Variants in DBX1 observed in about 807,000 individuals in gnomAD.
DBX1 encodes homeobox protein DBX1.
In DBX1, 10 loss-of-function variants were observed where a neutral mutation model predicts 20.8. The observed-to-expected ratio is 0.48, with a 90% CI of 0.30 to 0.82. The LOEUF is 0.82. Among genes scored for constraint, DBX1 ranks in the 40% least tolerant of loss-of-function variants. DBX1 has a pLI of 0.07. For synonymous variants in DBX1, 241 were observed against 213.9 expected, an observed-to-expected ratio of 1.13 and a Z score of -1.11; for missense variants, 505 against 468.8, an observed-to-expected ratio of 1.08 and a Z score of -0.71.
rs1480030206 is a variant in DBX1, at chr11:20,159,275, G to A, written c.385C>T (p.Leu129Phe). Reference protein sequence around the residue: ...GPRTETSPALLQSVPPKTFAF... With the variant: ...GPRTETSPALFQSVPPKTFAF... Reference sequence around the variant, plus strand: ...AAGGTCTTGGGAGGGACGCTCTGGAGCAAGGCTGGGGATGTTTCTGGTGGG... The same window carrying A: ...AAGGTCTTGGGAGGGACGCTCTGGAACAAGGCTGGGGATGTTTCTGGTGGG... Residue 129 changes from leucine to phenylalanine, a missense_variant, in exon 2 of 4, where the codon CTC (leucine) becomes TTC (phenylalanine). Leu to Phe is a conservative substitution (Grantham distance 22, BLOSUM62 0). Coordinates refer to ENST00000524983, the MANE Select transcript of DBX1 (RefSeq NM_001029865.4). The A allele has an allele frequency of 6.2e-7, 1 of 1,613,578 alleles. No homozygotes were observed. The highest frequency in any genetic ancestry group is 8.5e-7 in the Non-Finnish European group (1 of 1,179,652).
chr11:20,156,703 C>T lies in DBX1; in HGVS notation c.673-130G>A. ...TTCGGGCTGTGTCCTCTCCCCACCC[C>T]CAGAAATGAGTTCCGGTGGATTCCC... On this transcript the variant is annotated intron_variant, in intron 3 of 3. Coordinates refer to ENST00000524983, the MANE Select transcript of DBX1 (RefSeq NM_001029865.4). This position sits in a 1 kb window ranked among gnomAD's most constrained non-coding sequence, Gnocchi z 4.8. 1 of 1,372,652 alleles carries T rather than the reference C, an allele frequency of 7.3e-7. No homozygotes were observed. Among genetic ancestry groups the T allele is most frequent in the Non-Finnish European group, 1.0e-6 (1 of 966,786 alleles). 85.0% of individuals were successfully genotyped at this position (1,372,652 alleles called of 1,614,324 possible). A position where few individuals can be genotyped will look rare whatever the true frequency, so the allele number is the denominator to read the frequency against.
At chr11:20,159,806 C>T (rs1004805355) in intron 1 of DBX1, 152 bp downstream of exon 1, 2 of 1,120,104 alleles carry the variant, frequency 1.8e-6, no homozygotes, top group African/African-American at 1.6e-5. Flanking sequence ...GGACTATTCT[C>T]ACATTGCCTG....
In DBX1 at chr11:20,156,889, G is replaced by T; in HGVS notation, c.672+148C>A. 1.3e-6 allele frequency: 1 copy of T among 796,292 alleles called. No homozygotes were observed. The highest frequency in any genetic ancestry group is 2.3e-5 in the Admixed American group (1 of 44,412). 49.3% of individuals were successfully genotyped at this position (796,292 alleles called of 1,614,324 possible). Reference sequence around the variant, plus strand: ...ATCCTGCGGAGCTTCGAGGGTAGTGGCCCGTGTACTCACTCCCTCTCTAGG... The same window carrying T: ...ATCCTGCGGAGCTTCGAGGGTAGTGTCCCGTGTACTCACTCCCTCTCTAGG... On this transcript the variant is annotated intron_variant, in intron 3 of 3. Transcript: ENST00000524983. This position sits in a 1 kb window ranked among gnomAD's most constrained non-coding sequence, Gnocchi z 4.8.
rs1437584190 is a variant in DBX1 at position 20,156,369 on chromosome 11, C to G, written c.877G>C (p.Ala293Pro). The change falls in exon 4 of 4, where the codon GCG becomes CCG. Residue 293 changes from alanine to proline, a missense_variant. By Grantham distance (27) the Ala-to-Pro change is conservative. Transcript: ENST00000524983. The surrounding 1 kb of genome is among the most constrained non-coding windows in gnomAD (Gnocchi z 4.8). Reference protein sequence around the residue: ...GSPSHRLAYHASSDPQHLRDP... With the variant: ...GSPSHRLAYHPSSDPQHLRDP... The stretch of plus-strand genomic sequence containing the variant: ...CGCAGGTGCTGGGGGTCGGAGGACG[C>G]GTGGTAGGCCAGGCGGTGGCTGGGG... 2 of 1,606,054 alleles carry G rather than the reference C, an allele frequency of 1.2e-6. No individual in the cohort carries two copies. The highest frequency in any genetic ancestry group is 1.7e-6 in the Non-Finnish European group (2 of 1,174,686).
intron 2 of DBX1, 54 bp downstream of exon 2, chr11:20,159,137 G>A: frequency 7.8e-7 from 1 of 1,276,094 alleles, no homozygotes; most frequent in Non-Finnish European, 1.1e-6. Flanking sequence ...GGGAGCGATG[G>A]GCCGGGGCTG....
chr11:20,157,278 G>A (rs372163354), intron 2 of DBX1, 39 bp from the exon 3 acceptor site: 3,060 of 1,514,038 alleles, frequency 2.0e-3, no homozygotes, highest in Middle Eastern at 2.7e-3. Context: ...GTGGGCGTAC[G>A]CCCCCCAGTC....
chr11:20,156,690 C>T lies in DBX1; in HGVS notation c.673-117G>A, dbSNP rs765029740. ...GCAGGCTCTGTCCTTCGGGCTGTGT[C>T]CTCTCCCCACCCCCAGAAATGAGTT... On this transcript the variant is annotated intron_variant, in intron 3 of 3. Coordinates refer to ENST00000524983, the MANE Select transcript of DBX1 (RefSeq NM_001029865.4). This position sits in a 1 kb window ranked among gnomAD's most constrained non-coding sequence, Gnocchi z 4.8. 2.1e-6 allele frequency: 3 copies of T among 1,413,042 alleles called. No homozygotes were observed. Among genetic ancestry groups the T allele is most frequent in the Middle Eastern group, 3.9e-4 (2 of 5,090 alleles). 87.5% of individuals were successfully genotyped at this position (1,413,042 alleles called of 1,614,324 possible). A position where few individuals can be genotyped will look rare whatever the true frequency, so the allele number is the denominator to read the frequency against.
chr11:20,158,965 A>C (rs2063674323), intron 2 of DBX1, among the ~76,000 whole-genome samples: 6 of 152,150 alleles, frequency 3.9e-5, no homozygotes. Flanking sequence ...AATTCCTGCT[A>C]ATTTGTAGAG....
chr11:20,156,697 C>T lies in DBX1; in HGVS notation c.673-124G>A, dbSNP rs576994010. ...CTGTCCTTCGGGCTGTGTCCTCTCC[C>T]CACCCCCAGAAATGAGTTCCGGTGG... On this transcript the variant is annotated intron_variant, in intron 3 of 3. Coordinates refer to ENST00000524983, the MANE Select transcript of DBX1 (RefSeq NM_001029865.4). This position sits in a 1 kb window ranked among gnomAD's most constrained non-coding sequence, Gnocchi z 4.8. The T allele has an allele frequency of 7.1e-7, 1 of 1,405,912 alleles. No individual in the cohort carries two copies. Among genetic ancestry groups the T allele is most frequent in the African/African-American group, 1.4e-5 (1 of 70,734 alleles). The allele number at this position is 1,405,912 out of a possible 1,614,324, so 87.1% of individuals were successfully genotyped here.
Position 20,156,372 on chromosome 11 carries a change from G to A in DBX1, c.874C>T (p.His292Tyr), listed in dbSNP as rs773428564. 6.2e-7 allele frequency: 1 copy of A among 1,607,768 alleles called. No individual in the cohort carries two copies. The change falls in exon 4 of 4, where the codon CAC becomes TAC. Residue 292 changes from histidine to tyrosine, a missense_variant. Coordinates refer to ENST00000524983, the MANE Select transcript of DBX1 (RefSeq NM_001029865.4). This position sits in a 1 kb window ranked among gnomAD's most constrained non-coding sequence, Gnocchi z 4.8. The stretch of plus-strand genomic sequence containing the variant: ...AGGTGCTGGGGGTCGGAGGACGCGT[G>A]GTAGGCCAGGCGGTGGCTGGGGCTG... ...PGSPSHRLAY[H>Y]ASSDPQHLRD...
Position 20,160,224 on chromosome 11 carries a change from G to C in DBX1, c.101C>G (p.Ser34Cys). Residue 34 changes from serine (S) to cysteine (C), a missense_variant, in exon 1 of 4, where the codon TCC becomes TGC. Ser to Cys is a moderately radical substitution (Grantham distance 112). Coordinates refer to ENST00000524983, the MANE Select transcript of DBX1 (RefSeq NM_001029865.4). ...TLPQSLQSAF[S>C]GHSSFLVEDL... ...CTCCACCAGGAAGCTGGAGTGGCCG[G>C]AAAATGCCGACTGCAAGGACTGGGG... 1 of 1,546,584 alleles carries C rather than the reference G, an allele frequency of 6.5e-7. No homozygotes were observed. The highest frequency in any genetic ancestry group is 8.7e-7 in the Non-Finnish European group (1 of 1,146,598).
Position 20,156,966 on chromosome 11 carries a change from C to G in DBX1, c.672+71G>C. 1.3e-6 allele frequency: 2 copies of G among 1,496,996 alleles called. No homozygotes were observed. Among genetic ancestry groups the G allele is most frequent in the Admixed American group, 3.6e-5 (2 of 55,604 alleles). The allele number at this position is 1,496,996 out of a possible 1,614,324, so 92.7% of individuals were successfully genotyped here. On this transcript the variant is annotated intron_variant, in intron 3 of 3. Transcript: ENST00000524983. The surrounding 1 kb of genome is among the most constrained non-coding windows in gnomAD (Gnocchi z 4.8). ...GACCTAAGCCGTTTCCGAACCCTTG[C>G]AATTGACGGGTGCGCCGGGGAGGGG... is the stretch of plus-strand genomic sequence containing the variant.
intron 2 of DBX1, among the ~76,000 whole-genome samples, chr11:20,158,494 G>C (rs1469998136): frequency 6.6e-6 from 1 of 152,134 alleles, no homozygotes; most frequent in African/African-American, 2.4e-5. Context: ...AGGTGTTGCT[G>C]TTTTAGGCTG....
At position 20,157,000 on chromosome 11, in the gene DBX1, G is replaced by A; in HGVS notation, c.672+37C>T. ...GGTGCGCCGGGGAGGGGTGAAGGGC[G>A]GGGGCGGGGGGGGTGCTGTGGAGGA... is the stretch of plus-strand genomic sequence containing the variant. On this transcript the variant is annotated intron_variant, in intron 3 of 3. Coordinates refer to ENST00000524983, the MANE Select transcript of DBX1 (RefSeq NM_001029865.4). The surrounding 1 kb of genome is among the most constrained non-coding windows in gnomAD (Gnocchi z 4.8). 1 of 1,558,170 alleles carries A rather than the reference G, an allele frequency of 6.4e-7. No homozygotes were observed. Among genetic ancestry groups the A allele is most frequent in the African/African-American group, 1.6e-5 (1 of 63,456 alleles).
rs1206713592 is a variant in DBX1, at chr11:20,160,338, G to A, written c.-14C>T. 2 of 1,490,710 alleles carry A rather than the reference G, an allele frequency of 1.3e-6. No individual in the cohort carries two copies. Among genetic ancestry groups the A allele is most frequent in the African/African-American group, 1.4e-5 (1 of 71,304 alleles). 92.3% of individuals were successfully genotyped at this position (1,490,710 alleles called of 1,614,324 possible). A position where few individuals can be genotyped will look rare whatever the true frequency, so the allele number is the denominator to read the frequency against. On this transcript the variant is annotated 5_prime_UTR_variant, in exon 1 of 4. Transcript: ENST00000524983. ...GGGGAACATCATGGTAGGCGCGGGCGGGCGAAATAACCCTTCTTTCAGTGG... is the reference window on the plus strand; with the variant it reads ...GGGGAACATCATGGTAGGCGCGGGCAGGCGAAATAACCCTTCTTTCAGTGG...
At position 20,156,394 on chromosome 11, in the gene DBX1, G is replaced by A. The variant is rs761644419; in HGVS notation, c.852C>T (p.Ser284=). The A allele has an allele frequency of 5.0e-6, 8 of 1,603,098 alleles. No individual in the cohort carries two copies. The highest frequency in any genetic ancestry group is 1.7e-4 in the Middle Eastern group (1 of 6,044). Residue 284 remains serine (S), a synonymous_variant, in exon 4 of 4, where the codon AGC becomes AGT. Transcript: ENST00000524983. The surrounding 1 kb of genome is among the most constrained non-coding windows in gnomAD (Gnocchi z 4.8). The part of the protein sequence containing the change: ...GNEEEEEGPG[S]PSHRLAYHAS... ...CGTGGTAGGCCAGGCGGTGGCTGGG[G>A]CTGCCCGGGCCCTCCTCCTCCTCTT...
rs759246535 is a variant in DBX1 at position 20,157,040 on chromosome 11, C to T, written c.669G>A (p.Ser223=). The change falls in exon 3 of 4, where the codon TCG becomes TCA. Residue 223 remains serine (S), a synonymous_variant. Coordinates refer to ENST00000524983, the MANE Select transcript of DBX1 (RefSeq NM_001029865.4). ...KLAAKLGLKD[S]QVKIWFQNRR... ...GCTGTGGAGGAAATGCGCTCACCTG[C>T]GAGTCTTTCAGGCCCAGCTTGGCCG... 2 of 1,613,782 alleles carry T rather than the reference C, an allele frequency of 1.2e-6. No homozygotes were observed. Among genetic ancestry groups the T allele is most frequent in the South Asian group, 1.1e-5 (1 of 91,072 alleles).
Position 20,156,758 on chromosome 11 carries a change from G to T in DBX1, c.673-185C>A, listed in dbSNP as rs2153737778. 7 of 1,014,846 alleles carry T rather than the reference G, an allele frequency of 6.9e-6. No homozygotes were observed. Among genetic ancestry groups the T allele is most frequent in the Non-Finnish European group, 1.1e-5 (7 of 663,690 alleles). The allele number at this position is 1,014,846 out of a possible 1,614,324, so 62.9% of individuals were successfully genotyped here. A position where few individuals can be genotyped will look rare whatever the true frequency, so the allele number is the denominator to read the frequency against. ...TGACTCCGCCCCCGCCTCAGCTCGC[G>T]GTTCCGTTTGCCTCATCCGCTGCCA... On this transcript the variant is annotated intron_variant, in intron 3 of 3. Transcript: ENST00000524983. This position sits in a 1 kb window ranked among gnomAD's most constrained non-coding sequence, Gnocchi z 4.8.
At position 20,160,056 on chromosome 11, in the gene DBX1, C is replaced by G. The variant is rs370098161; in HGVS notation, c.269G>C (p.Arg90Pro). Reference protein sequence around the residue: ...SDLGSPGPGSRRGGSPPTAFS... With the variant: ...SDLGSPGPGSPRGGSPPTAFS... ...GGCAGTCGGCGGAGAGCCGCCCCGTCGGCTGCCGGGACCCGGGGAGCCCAG... is the reference window on the plus strand; with the variant it reads ...GGCAGTCGGCGGAGAGCCGCCCCGTGGGCTGCCGGGACCCGGGGAGCCCAG... The change falls in exon 1 of 4, where the codon CGA (arginine) becomes CCA (proline). Residue 90 changes from arginine (R) to proline (P), a missense_variant. Coordinates refer to ENST00000524983, the MANE Select transcript of DBX1 (RefSeq NM_001029865.4). 8 of 1,582,424 alleles carry G rather than the reference C, an allele frequency of 5.1e-6. No individual in the cohort carries two copies. The highest frequency in any genetic ancestry group is 6.0e-6 in the Non-Finnish European group (7 of 1,164,666).
Sources: gnomAD v4.1 joint callset for allele counts (sites outside exome capture counted in the v4.1 genomes callset) on GRCh38, gnomAD v4.1.1 for gene constraint, Gnocchi (gnomAD v3.1) non-coding constraint, MANE v1.5 for transcripts, NCBI Gene and HGNC (gene_info 2026-07-23, HGNC 2026-07-21) for gene names.